TMEM143: variants seen among roughly 807,000 people sequenced by gnomAD.
The protein encoded by TMEM143 is transmembrane protein 143.
Under a neutral mutation model 40.3 loss-of-function variants are expected in TMEM143, and 45 were observed. The observed-to-expected ratio is 1.12, with a 90% CI of 0.88 to 1.43. The LOEUF is 1.43. TMEM143 is among the 40% of genes most tolerant of loss of function. The probability of loss-of-function intolerance (pLI) is 0.00; values close to 1 mark genes in which losing one functional copy is unlikely to be tolerated. For missense variants in TMEM143, 620 were observed against 613.4 expected (o/e 1.01, Z -0.11); for synonymous variants, 299 against 282.7 (o/e 1.06, Z -0.58).
chr19:48,362,337 C>T (rs923428604), intron 2 of TMEM143, among the ~76,000 whole-genome samples: 2 of 151,908 alleles, frequency 1.3e-5, no homozygotes, highest in East Asian at 1.9e-4. Flanking sequence ...GCCAGGAGTT[C>T]GAGACCAGCC....
In TMEM143 at chr19:48,360,165, C is replaced by T. The variant is rs565205313; in HGVS notation, c.276G>A (p.Ser92=). Residue 92 remains serine, a synonymous_variant, in exon 3 of 8, where the codon TCG becomes TCA. Coordinates refer to ENST00000293261, the MANE Select transcript of TMEM143 (RefSeq NM_018273.4). The part of the protein sequence containing the change: ...LLRLLIQEFH[S]SPAEKAALEA... ...CCAAAGCCGCCTTCTCTGCCGGACT[C>T]GAGTGGAATTCCTGTTACCTCAGGA... The T allele has an allele frequency of 6.2e-6, 10 of 1,614,070 alleles. No individual in the cohort carries two copies. The highest frequency in any genetic ancestry group is 2.7e-5 in the African/African-American group (2 of 75,042).
At chr19:48,356,433 T>C (rs969039519) in intron 3 of TMEM143, among the ~76,000 whole-genome samples, 4 of 146,228 alleles carry the variant, frequency 2.7e-5, no homozygotes, top group Non-Finnish European at 6.0e-5. Context: ...GCCCTCCTTT[T>C]TTTTTTTTTT....
chr19:48,343,362 G>T lies in TMEM143; in HGVS notation c.654C>A (p.Gly218=). 6.2e-7 allele frequency: 1 copy of T among 1,609,736 alleles called. No homozygotes were observed. Among genetic ancestry groups the T allele is most frequent in the Non-Finnish European group, 8.5e-7 (1 of 1,178,480 alleles). The change falls in exon 5 of 8, where the codon GGC becomes GGA. Residue 218 remains glycine, a synonymous_variant. Coordinates refer to ENST00000293261, the MANE Select transcript of TMEM143 (RefSeq NM_018273.4). ...VGQMPLKSSV[G]SRRGFFTKLP... ...GCTTGGTGAAGAAGCCACGCCTGGA[G>T]CCCACGCTGGACTTCAGGGGCATCT...
intron 6 of TMEM143, among the ~76,000 whole-genome samples, chr19:48,334,523 CTTTCTTTCTTTTCT>C (rs1969321837): frequency 7.6e-6 from 1 of 130,866 alleles, no homozygotes; most frequent in Non-Finnish European, 1.6e-5. Flanking sequence ...CTTTCTTTCT[CTTTCTTTCTTTTCT>C]TTTCTTTCTT....
At position 48,333,983 on chromosome 19, in the gene TMEM143, G is replaced by T. The variant is rs771765528; in HGVS notation, c.1165+25C>A. Reference sequence around the variant, plus strand: ...CCTCGCGGGGGTGTGGCCCCTGGGGGCAGGGTCCCAGGGCCACGTCCTACC... The same window carrying T: ...CCTCGCGGGGGTGTGGCCCCTGGGGTCAGGGTCCCAGGGCCACGTCCTACC... On this transcript the variant is annotated intron_variant, in intron 7 of 7. Transcript: ENST00000293261. This position sits in a 1 kb window ranked among gnomAD's most constrained non-coding sequence, Gnocchi z 4.1. The T allele has an allele frequency of 2.0e-6, 3 of 1,509,476 alleles. No homozygotes were observed. Among genetic ancestry groups the T allele is most frequent in the Non-Finnish European group, 2.7e-6 (3 of 1,129,312 alleles). The allele number at this position is 1,509,476 out of a possible 1,614,324, so 93.5% of individuals were successfully genotyped here. A position where few individuals can be genotyped will look rare whatever the true frequency, so the allele number is the denominator to read the frequency against.
intron 3 of TMEM143, among the ~76,000 whole-genome samples, chr19:48,345,722 C>T (rs1267949210): frequency 1.2e-4 from 18 of 151,944 alleles, no homozygotes; most frequent in African/African-American, 3.6e-4. Context: ...ATGCCCGCCT[C>T]GGCCTCCCAA....
At position 48,338,997 on chromosome 19, in the gene TMEM143, C is replaced by T. The variant is rs867676106; in HGVS notation, c.975+3533G>A. Among the ~76,000 whole-genome samples the T allele has an allele frequency of 5.9e-5, 9 of 152,268 alleles. No individual in the cohort carries two copies. In the Middle Eastern group the frequency reaches 0.014, roughly 230 times the overall value. On this transcript the variant is annotated intron_variant, in intron 6 of 7. Coordinates refer to ENST00000293261, the MANE Select transcript of TMEM143 (RefSeq NM_018273.4). ...ACGAGGGATGGCAGGGTGGGGGCGC[C>T]GCAAGCATGCAGGAGGAGCTGAGGC...
At position 48,333,263 on chromosome 19, in the gene TMEM143, T is replaced by G. The variant is rs1472833260; in HGVS notation, c.1336A>C (p.Thr446Pro). 2.0e-6 allele frequency: 3 copies of G among 1,522,024 alleles called. No homozygotes were observed. The highest frequency in any genetic ancestry group is 2.3e-5 in the East Asian group (1 of 42,572). 94.3% of individuals were successfully genotyped at this position (1,522,024 alleles called of 1,614,324 possible). The change falls in exon 8 of 8, where the codon ACT (threonine) becomes CCT (proline). Residue 446 changes from threonine to proline, a missense_variant. Transcript: ENST00000293261. The surrounding 1 kb of genome is among the most constrained non-coding windows in gnomAD (Gnocchi z 4.1). ...FPKLDPVAPI[T>P]SEPPQATPSS... ...GGCGTGGCTTGCGGGGGCTCGGAAG[T>G]GATCGGAGCCACTGGGTCTAGTTTG... is the stretch of plus-strand genomic sequence containing the variant.
rs1969277933 is a variant in TMEM143 at position 48,333,938 on chromosome 19, C to G, written c.1165+70G>C. The G allele has an allele frequency of 1.4e-6, 2 of 1,423,172 alleles. No individual in the cohort carries two copies. The highest frequency in any genetic ancestry group is 1.4e-5 in the South Asian group (1 of 71,838). The allele number at this position is 1,423,172 out of a possible 1,614,324, so 88.2% of individuals were successfully genotyped here. ...CACCCGTGGGAACTGGGGGTGGGGA[C>G]GCATCTCGCTGGGGCGGGGCCTCGC... On this transcript the variant is annotated intron_variant, in intron 7 of 7. Coordinates refer to ENST00000293261, the MANE Select transcript of TMEM143 (RefSeq NM_018273.4). The surrounding 1 kb of genome is among the most constrained non-coding windows in gnomAD (Gnocchi z 4.1).
intron 1 of TMEM143, 38 bp downstream of exon 1, chr19:48,363,860 C>T (rs754896374): frequency 2.5e-6 from 4 of 1,613,756 alleles, no homozygotes; most frequent in South Asian, 2.2e-5. Flanking sequence ...TGCAGGGCCG[C>T]CCTCCCTGGC....
Position 48,338,833 on chromosome 19 carries a change from C to T in TMEM143, c.975+3697G>A, listed in dbSNP as rs554495363. Among the ~76,000 whole-genome samples, 8 of 152,240 alleles carry T rather than the reference C, an allele frequency of 5.3e-5. No individual in the cohort carries two copies. The South Asian group carries it at 1.7e-3, about 32-fold the overall frequency. On this transcript the variant is annotated intron_variant, in intron 6 of 7. Coordinates refer to ENST00000293261, the MANE Select transcript of TMEM143 (RefSeq NM_018273.4). The stretch of plus-strand genomic sequence containing the variant: ...TATGGAGGAACCCACAGGGGCACCA[C>T]CCCAGCCTGGGACATCCGGGAAGGC...
At chr19:48,359,652 G>A (rs928257534) in intron 3 of TMEM143, among the ~76,000 whole-genome samples, 54 of 151,586 alleles carry the variant, frequency 3.6e-4, no homozygotes, top group African/African-American at 1.3e-3. Flanking sequence ...AACTACAGTC[G>A]CCCCCCACCA....
intron 5 of TMEM143, 73 bp from the exon 6 acceptor site, chr19:48,342,882 C>T (rs1015994080): frequency 2.2e-5 from 33 of 1,494,718 alleles, no homozygotes; most frequent in Middle Eastern, 1.8e-4. Flanking sequence ...AATCCTAGGA[C>T]GCTCACTCTG....
intron 3 of TMEM143, among the ~76,000 whole-genome samples, chr19:48,355,535 G>A (rs903605008): frequency 6.6e-6 from 1 of 152,116 alleles, no homozygotes; most frequent in African/African-American, 2.4e-5. Context: ...CTGTCTCTCC[G>A]CACTGCAGGA....
intron 2 of TMEM143, among the ~76,000 whole-genome samples, chr19:48,361,535 C>CTTT (rs59788731): frequency 7.2e-6 from 1 of 138,396 alleles, no homozygotes; most frequent in African/African-American, 2.7e-5. Context: ...ACTTCTTCTT[C>CTTT]TTTTTTTTTT....
At chr19:48,356,123 C>CTTTTTTTTTTTCTTTTT (rs1569036095) in intron 3 of TMEM143, among the ~76,000 whole-genome samples, 6 of 144,090 alleles carry the variant, frequency 4.2e-5, no homozygotes, top group Non-Finnish European at 7.6e-5. Context: ...CTTTTTTTTT[C>CTTTTTTTTTTTCTTTTT]TTTTTTTTTT....
rs201733680 is a variant in TMEM143 at position 48,342,691 on chromosome 19, G to A, written c.814C>T (p.Arg272Cys). ...LEQLLPELKV[R>C]TPTLQRALLN... ...AGGGCGCGCTGCAGGGTGGGCGTGCGCACCTTCAGCTCCGGCAGCAGCTGC... is the reference window on the plus strand; with the variant it reads ...AGGGCGCGCTGCAGGGTGGGCGTGCACACCTTCAGCTCCGGCAGCAGCTGC... Residue 272 changes from arginine (R) to cysteine (C), a missense_variant, in exon 6 of 8, where the codon CGC becomes TGC. Transcript: ENST00000293261. The A allele has an allele frequency of 1.6e-4, 258 of 1,614,024 alleles. No individual in the cohort carries two copies. Among genetic ancestry groups the A allele is most frequent in the Non-Finnish European group, 2.0e-4 (239 of 1,180,022 alleles).
intron 3 of TMEM143, among the ~76,000 whole-genome samples, chr19:48,350,302 C>T (rs560315705): frequency 2.6e-5 from 4 of 151,978 alleles, no homozygotes; most frequent in East Asian, 3.9e-4. Flanking sequence ...TGAGCCACTG[C>T]GACCAGGCTA....
intron 3 of TMEM143, among the ~76,000 whole-genome samples, chr19:48,347,554 C>CTTTTT (rs1309165553): frequency 3.1e-5 from 4 of 128,450 alleles, no homozygotes; most frequent in African/African-American, 5.8e-5. Flanking sequence ...CTCTACAAAA[C>CTTTTT]TTTTTTTTTT....
Sources: allele counts gnomAD v4.1 joint callset (sites outside exome capture counted in the v4.1 genomes callset), GRCh38; gene constraint gnomAD v4.1.1; non-coding constraint Gnocchi (gnomAD v3.1); transcripts MANE v1.5; gene names NCBI Gene and HGNC (gene_info 2026-07-23, HGNC 2026-07-21).